Variants in VPS37B observed in about 807,000 individuals in gnomAD.
VPS37B encodes the protein VPS37B subunit of ESCRT-I.
A neutral mutation model predicts 21.2 loss-of-function variants in VPS37B; 11 were observed. The observed-to-expected ratio is 0.52, with a 90% CI of 0.33 to 0.86. The LOEUF is 0.86. VPS37B is among the 40% of genes least tolerant of loss of function. VPS37B has a pLI of 0.03. For synonymous variants in VPS37B, 175 were observed against 159.6 expected (o/e 1.10, Z -0.73); for missense variants, 389 against 374.8 (o/e 1.04, Z -0.31).
intron 1 of VPS37B, chr12:122,879,206 G>C (rs1238004495): frequency 6.6e-6 from 1 of 152,306 alleles, no homozygotes; most frequent in Non-Finnish European, 1.5e-5. Context: ...TCATGTTACA[G>C]CAGCCACAGG....
At chr12:122,870,703 C>G (rs532222380) in intron 2 of VPS37B, 187 bp downstream of exon 2, 3 of 587,844 alleles carry the variant, frequency 5.1e-6, no homozygotes, top group East Asian at 3.4e-5. Flanking sequence ...GCACTCCAGT[C>G]TGACAGAGCA....
chr12:122,875,202 G>A (rs1046497018), intron 1 of VPS37B: 7 of 147,828 alleles, frequency 4.7e-5, no homozygotes, highest in Admixed American at 2.1e-4. Flanking sequence ...TGGGATTACA[G>A]GTGTGTACCA....
intron 1 of VPS37B, chr12:122,872,875 C>T (rs1383351063): frequency 9.3e-6 from 2 of 214,264 alleles, no homozygotes; most frequent in East Asian, 3.7e-4. Context: ...CTGGACGCAG[C>T]CCAGGTGTCT....
chr12:122,872,687 A>C (rs2034061023), intron 1 of VPS37B: 1 of 985,446 alleles, frequency 1.0e-6, no homozygotes, highest in Non-Finnish European at 1.2e-6. Flanking sequence ...AGAACAAACA[A>C]AAACCACTGT....
At chr12:122,888,414 G>A (rs758638747) in intron 1 of VPS37B, 48 of 369,702 alleles carry the variant, frequency 1.3e-4, no homozygotes, top group Middle Eastern at 1.1e-3. Context: ...CACAGCTGGG[G>A]AAGGAAATAA....
chr12:122,869,438 C>G (rs908776323), intron 2 of VPS37B, among the ~76,000 whole-genome samples: 1 of 152,330 alleles, frequency 6.6e-6, no homozygotes, highest in South Asian at 2.1e-4. Flanking sequence ...ATGGACACTC[C>G]TACCAGCAAG....
At chr12:122,869,193 G>A (rs920096813) in intron 2 of VPS37B, among the ~76,000 whole-genome samples, 6 of 152,192 alleles carry the variant, frequency 3.9e-5, no homozygotes, top group Non-Finnish European at 5.9e-5. Flanking sequence ...CTCTGTAGAC[G>A]GACATTTTTA....
rs774209971 is a variant in VPS37B, at chr12:122,868,632, C to T, written c.284-70G>A. The T allele has an allele frequency of 3.7e-5, 50 of 1,339,130 alleles. No individual in the cohort carries two copies. The highest frequency in any genetic ancestry group is 2.1e-4 in the Admixed American group (11 of 53,594). 83.0% of individuals were successfully genotyped at this position (1,339,130 alleles called of 1,614,324 possible). On this transcript the variant is annotated intron_variant, in intron 2 of 3. Coordinates refer to ENST00000267202, the MANE Select transcript of VPS37B (RefSeq NM_024667.3). This position sits in a 1 kb window ranked among gnomAD's most constrained non-coding sequence, Gnocchi z 5.5. Reference sequence around the variant, plus strand: ...GTAAAGCCCTTCATGATGCCAACCACGGCAGGATTGCACCTTCCTTTCCAG... The same window carrying T: ...GTAAAGCCCTTCATGATGCCAACCATGGCAGGATTGCACCTTCCTTTCCAG...
Position 122,866,420 on chromosome 12 carries a change from G to A in VPS37B, c.*696C>T, listed in dbSNP as rs930384494. On this transcript the variant is annotated 3_prime_UTR_variant, in exon 4 of 4. Transcript: ENST00000267202. Reference sequence around the variant, plus strand: ...AAACCTTCAGGGCCGGCTCCAGGCAGGCGGGAGAGGAGGAGCTGGGGACAC... The same window carrying A: ...AAACCTTCAGGGCCGGCTCCAGGCAAGCGGGAGAGGAGGAGCTGGGGACAC... 1 of 152,494 alleles carries A rather than the reference G, an allele frequency of 6.6e-6. No individual in the cohort carries two copies. The highest frequency in any genetic ancestry group is 2.4e-5 in the African/African-American group (1 of 41,462). 9.4% of individuals were successfully genotyped at this position (152,494 alleles called of 1,614,324 possible).
intron 1 of VPS37B, among the ~76,000 whole-genome samples, chr12:122,894,158 T>A (rs753765853): frequency 3.9e-5 from 6 of 152,074 alleles, no homozygotes; most frequent in Non-Finnish European, 7.4e-5. Flanking sequence ...CAACAAAAGG[T>A]CTCCCAGCAA....
rs2033912740 is a variant in VPS37B, at chr12:122,866,985, T to TA, written c.*130dup. On this transcript the variant is annotated 3_prime_UTR_variant, in exon 4 of 4. Transcript: ENST00000267202. Reference sequence around the variant, plus strand: ...ACTACTCACCACTGACCTACAGTTCTAAAATCAGACAGACACGCTGGCCCA... The same window carrying TA: ...ACTACTCACCACTGACCTACAGTTCTAAAAATCAGACAGACACGCTGGCCCA... 55 of 1,250,628 alleles carry TA rather than the reference T, an allele frequency of 4.4e-5. No homozygotes were observed. The South Asian group carries it at 9.2e-4, about 21-fold the overall frequency. The allele number at this position is 1,250,628 out of a possible 1,614,324, so 77.5% of individuals were successfully genotyped here.
chr12:122,878,014 C>G (rs1342038776), intron 1 of VPS37B: 1 of 152,162 alleles, frequency 6.6e-6, no homozygotes, highest in Admixed American at 6.5e-5. Context: ...AGGTGAGGTT[C>G]CTTTCCTTAG....
intron 1 of VPS37B, among the ~76,000 whole-genome samples, chr12:122,895,737 C>T (rs1363407630): frequency 6.6e-6 from 1 of 151,836 alleles, no homozygotes; most frequent in East Asian, 1.9e-4. Context: ...TCGGTCCCCT[C>T]AGTGCCTCAA....
At chr12:122,881,012 G>C (rs900400022) in intron 1 of VPS37B, 1 of 152,180 alleles carries the variant, frequency 6.6e-6, no homozygotes, top group African/African-American at 2.4e-5. Flanking sequence ...TCCAATAAAA[G>C]GCTCAAAAGA....
chr12:122,895,871 G>T (rs1489230344), intron 1 of VPS37B, 81 bp downstream of exon 1: 2 of 1,304,442 alleles, frequency 1.5e-6, no homozygotes, highest in Non-Finnish European at 2.2e-6. Flanking sequence ...CGCCGCGGTC[G>T]CCTCCGCCTC....
intron 1 of VPS37B, among the ~76,000 whole-genome samples, chr12:122,890,870 A>C (rs1275964785): frequency 6.6e-6 from 1 of 152,166 alleles, no homozygotes; most frequent in Non-Finnish European, 1.5e-5. Context: ...TCTAGCAATT[A>C]TGTCCTACTT....
At chr12:122,882,186 GTTCT>G (rs1045635282) in intron 1 of VPS37B, 37 of 151,866 alleles carry the variant, frequency 2.4e-4, no homozygotes, top group African/African-American at 8.2e-4. Flanking sequence ...TAAATGCTTG[GTTCT>G]TTTTTTTTTC....
chr12:122,867,327 G>A lies in VPS37B; in HGVS notation c.647C>T (p.Ala216Val), dbSNP rs200363851. Residue 216 changes from alanine (A) to valine (V), a missense_variant, in exon 4 of 4, where the codon GCG (alanine) becomes GTG (valine). Ala to Val is a moderately conservative substitution (Grantham distance 64). Transcript: ENST00000267202. This position sits in a 1 kb window ranked among gnomAD's most constrained non-coding sequence, Gnocchi z 5.5. ...AGTAAACGGGGTGGCTAAGCGTCCC[G>A]CAGGCACCGGGGGTGGTGGGGGGGG... is the stretch of plus-strand genomic sequence containing the variant. ...RIPPPPPPVPAGRLATPFTAA... is the reference protein window; with the variant it reads ...RIPPPPPPVPVGRLATPFTAA... 2.7e-4 allele frequency: 266 copies of A among 987,146 alleles called. 1 individual carries two copies. The African/African-American group carries it at 3.7e-3, about 14-fold the overall frequency. 61.1% of individuals were successfully genotyped at this position (987,146 alleles called of 1,614,324 possible). A position where few individuals can be genotyped will look rare whatever the true frequency, so the allele number is the denominator to read the frequency against.
chr12:122,894,655 T>C (rs778480608), intron 1 of VPS37B, among the ~76,000 whole-genome samples: 6 of 152,220 alleles, frequency 3.9e-5, no homozygotes, highest in Admixed American at 1.3e-4. Context: ...CCCACCTGCC[T>C]GGAGGAGAAC....
Sources: gnomAD v4.1 joint callset for allele counts (sites outside exome capture counted in the v4.1 genomes callset) on GRCh38, gnomAD v4.1.1 for gene constraint, Gnocchi (gnomAD v3.1) non-coding constraint, MANE v1.5 for transcripts, NCBI Gene and HGNC (gene_info 2026-07-23, HGNC 2026-07-21) for gene names.